Variants in BAZ2B observed in about 807,000 individuals in gnomAD.
BAZ2B encodes the protein bromodomain adjacent to zinc finger domain protein 2B.
Under a neutral mutation model 246.0 loss-of-function variants are expected in BAZ2B, and 91 were observed. The observed-to-expected ratio is 0.37, with a 90% CI of 0.31 to 0.44. BAZ2B has a LOEUF of 0.44. Ranked by LOEUF, BAZ2B falls within the 20% of genes least tolerant of loss-of-function variation. BAZ2B has a pLI of 1.00. For missense variants in BAZ2B, 2,332 were observed against 2,533.7 expected (o/e 0.92, Z 1.71); for synonymous variants, 855 against 860.0 (o/e 0.99, Z 0.10).
At chr2:159,428,158 TATAGG>T (rs1445194428) in intron 12 of BAZ2B, 116 bp from the exon 13 acceptor site, 1 of 1,117,056 alleles carries the variant, frequency 9.0e-7, no homozygotes, top group African/African-American at 1.6e-5. Context: ...GCTCTAAATT[TATAGG>T]AGATCAATTT....
At chr2:159,569,196 T>C (rs528278663) in intron 1 of BAZ2B, among the ~76,000 whole-genome samples, 28 of 152,184 alleles carry the variant, frequency 1.8e-4, no homozygotes, top group Admixed American at 4.6e-4. Context: ...AAATGAAAAA[T>C]AGATTATTGT....
At chr2:159,344,886 G>A (rs998153187) in intron 31 of BAZ2B, among the ~76,000 whole-genome samples, 13 of 152,066 alleles carry the variant, frequency 8.5e-5, no homozygotes, top group Non-Finnish European at 1.9e-4. Flanking sequence ...AGTGGGGGCA[G>A]GGAGGGATAA....
At chr2:159,424,430 C>A (rs1031011663) in intron 13 of BAZ2B, among the ~76,000 whole-genome samples, 15 of 152,066 alleles carry the variant, frequency 9.9e-5, no homozygotes, top group Admixed American at 2.0e-4. Flanking sequence ...GAGAAAAACC[C>A]AGAATTCTGC....
At chr2:159,472,366 T>C (rs903283811) in intron 3 of BAZ2B, among the ~76,000 whole-genome samples, 2 of 152,214 alleles carry the variant, frequency 1.3e-5, no homozygotes, top group African/African-American at 4.8e-5. Flanking sequence ...TGAGATGATA[T>C]ATACAATCAT....
At chr2:159,353,676 G>A (rs1232666059) in intron 27 of BAZ2B, among the ~76,000 whole-genome samples, 1 of 152,160 alleles carries the variant, frequency 6.6e-6, no homozygotes, top group Non-Finnish European at 1.5e-5. Context: ...AGAGGGGAAA[G>A]TGCCAGGTGC....
chr2:159,646,154 A>C, the BAZ2B span, among the ~76,000 whole-genome samples: 9 of 152,154 alleles, frequency 5.9e-5, no homozygotes, highest in African/African-American at 2.2e-4. Context: ...GCCACACCCA[A>C]GGGGGCCATT....
intron 24 of BAZ2B, among the ~76,000 whole-genome samples, chr2:159,383,371 G>C (rs1430941787): frequency 1.3e-5 from 2 of 151,782 alleles, no homozygotes; most frequent in Non-Finnish European, 2.9e-5. Context: ...AAAAGAAAAA[G>C]AGAAAATGAC....
downstream of BAZ2B, among the ~76,000 whole-genome samples, chr2:159,317,330 T>C (rs963630863): frequency 1.3e-5 from 2 of 152,174 alleles, no homozygotes; most frequent in Non-Finnish European, 2.9e-5. Context: ...ACAGATTAGA[T>C]CCTTCATAAT....
intron 6 of BAZ2B, 53 bp downstream of exon 6, chr2:159,446,729 G>A: frequency 7.0e-7 from 1 of 1,426,210 alleles, no homozygotes. Context: ...CCTTCAGAAT[G>A]CTCATCTTAT....
At chr2:159,521,793 A>T (rs2084164278) in intron 2 of BAZ2B, among the ~76,000 whole-genome samples, 1 of 152,102 alleles carries the variant, frequency 6.6e-6, no homozygotes, top group African/African-American at 2.4e-5. Context: ...CTACCAGAAG[A>T]AACAAAGGAG....
At chr2:159,501,584 C>T (rs760323771) in intron 2 of BAZ2B, among the ~76,000 whole-genome samples, 5 of 152,032 alleles carry the variant, frequency 3.3e-5, no homozygotes, top group African/African-American at 1.2e-4. Flanking sequence ...CATGATTTTA[C>T]ACTTTTTAAA....
At chr2:159,700,060 A>G in the BAZ2B span, among the ~76,000 whole-genome samples, 2 of 152,176 alleles carry the variant, frequency 1.3e-5, no homozygotes, top group Non-Finnish European at 2.9e-5. Flanking sequence ...TTATGACTTA[A>G]TCACCTCACA....
chr2:159,337,907 C>A, intron 31 of BAZ2B, 135 bp from the exon 32 acceptor site: 11 of 768,294 alleles, frequency 1.4e-5, no homozygotes, highest in South Asian at 6.2e-5. Flanking sequence ...CCTTGTGTTT[C>A]CTAAAACTAG....
intron 1 of BAZ2B, among the ~76,000 whole-genome samples, chr2:159,586,550 A>AT (rs554067484): frequency 3.7e-4 from 57 of 152,216 alleles, no homozygotes; most frequent in African/African-American, 1.2e-3. Flanking sequence ...ACCAATAATT[A>AT]TTACCTTTGT....
chr2:159,642,238 CTTTTTTTTTT>C, the BAZ2B span, among the ~76,000 whole-genome samples: 1 of 131,728 alleles, frequency 7.6e-6, no homozygotes, highest in African/African-American at 2.8e-5. Flanking sequence ...TTCTTTCTTT[CTTTTTTTTTT>C]TTTTTTTGAA....
the BAZ2B span, among the ~76,000 whole-genome samples, chr2:159,662,646 T>TC: frequency 6.6e-6 from 1 of 152,128 alleles, no homozygotes; most frequent in East Asian, 1.9e-4. Flanking sequence ...TGCCTCAGCC[T>TC]CCCGAGTAGC....
the BAZ2B span, among the ~76,000 whole-genome samples, chr2:159,630,535 TCTC>T: frequency 4.7e-5 from 5 of 105,384 alleles, no homozygotes; most frequent in African/African-American, 8.7e-5. Flanking sequence ...CGTATTCTTC[TCTC>T]TTTTTTTTTT....
At chr2:159,661,179 T>C in the BAZ2B span, among the ~76,000 whole-genome samples, 2 of 152,244 alleles carry the variant, frequency 1.3e-5, no homozygotes, top group Non-Finnish European at 2.9e-5. Context: ...TTTATATAAA[T>C]GAAATCATAT....
chr2:159,520,771 G>T (rs1028989567), intron 2 of BAZ2B, among the ~76,000 whole-genome samples: 3 of 152,104 alleles, frequency 2.0e-5, no homozygotes, highest in African/African-American at 7.2e-5. Context: ...AATTTCAATT[G>T]TGAGACAACT....
Sources: gnomAD v4.1 joint callset for allele counts (sites outside exome capture counted in the v4.1 genomes callset) on GRCh38, gnomAD v4.1.1 for gene constraint, MANE v1.5 for transcripts, NCBI Gene and HGNC (gene_info 2026-07-23, HGNC 2026-07-21) for gene names.